Variants in SNX16 observed in about 807,000 individuals in gnomAD.
The protein encoded by SNX16 is sorting nexin-16.
SNX16 carries 35 observed loss-of-function variants against 36.7 expected under a neutral mutation model. The ratio of observed to expected loss-of-function variants is 0.95; its 90% confidence interval spans 0.73 to 1.27. The LOEUF (loss-of-function observed/expected upper bound fraction) is 1.27. SNX16 is among the 50% of genes most tolerant of loss of function. The probability of loss-of-function intolerance (pLI) is 0.00; values close to 1 mark genes in which losing one functional copy is unlikely to be tolerated. For missense variants in SNX16, 367 were observed against 393.6 expected (o/e 0.93, Z 0.57); for synonymous variants, 134 against 132.0 (o/e 1.02, Z -0.10).
chr8:81,809,710 G>A (rs1810139989), intron 5 of SNX16, among the ~76,000 whole-genome samples: 1 of 152,190 alleles, frequency 6.6e-6, no homozygotes, highest in Non-Finnish European at 1.5e-5. Flanking sequence ...TAGAGCAAAA[G>A]GAAAACATAT....
intron 2 of SNX16, among the ~76,000 whole-genome samples, chr8:81,838,574 GAA>G (rs534067391): frequency 2.2e-4 from 24 of 108,774 alleles, no homozygotes; most frequent in Non-Finnish European, 2.5e-4. Context: ...GTCCCATCTG[GAA>G]AAAAAAAAAA....
At position 81,824,083 on chromosome 8, in the gene SNX16, G is replaced by A; in HGVS notation, c.463-143C>T. The A allele has an allele frequency of 5.2e-6, 4 of 762,920 alleles. No individual in the cohort carries two copies. The South Asian group carries it at 7.9e-5, about 15-fold the overall frequency. 47.3% of individuals were successfully genotyped at this position (762,920 alleles called of 1,614,324 possible). A position where few individuals can be genotyped will look rare whatever the true frequency, so the allele number is the denominator to read the frequency against. On this transcript the variant is annotated intron_variant, in intron 3 of 7. Transcript: ENST00000345957. ...AATTCAGTTAAGCTTTTTATGCCTT[G>A]TTTTATTTCTTGTTTTCTACCAGCT...
intron 3 of SNX16, among the ~76,000 whole-genome samples, chr8:81,827,429 G>A (rs1374072062): frequency 6.6e-6 from 1 of 151,764 alleles, no homozygotes; most frequent in Non-Finnish European, 1.5e-5. Flanking sequence ...TAACTATCAG[G>A]TAACTTCATG....
intron 3 of SNX16, among the ~76,000 whole-genome samples, chr8:81,825,420 G>C (rs1285053005): frequency 6.6e-6 from 1 of 152,168 alleles, no homozygotes; most frequent in Non-Finnish European, 1.5e-5. Flanking sequence ...AGTTTTAAAA[G>C]ATATTAATGA....
rs367688268 is a variant in SNX16, at chr8:81,802,262, C to A, written c.938+118G>T. On this transcript the variant is annotated intron_variant, in intron 7 of 7. Coordinates refer to ENST00000345957, the MANE Select transcript of SNX16 (RefSeq NM_152836.3). The stretch of plus-strand genomic sequence containing the variant: ...ATATTTCCAATTCATTCTCTGTTTG[C>A]TTAGCAGATTCGTGATACAGTAACA... 624 of 623,144 alleles carry A rather than the reference C, an allele frequency of 1.0e-3. 10 individuals carry two copies. The South Asian group carries it at 0.03, about 30-fold the overall frequency. The allele number at this position is 623,144 out of a possible 1,614,324, so 38.6% of individuals were successfully genotyped here.
intron 4 of SNX16, among the ~76,000 whole-genome samples, chr8:81,817,656 C>T (rs1810553194): frequency 6.6e-6 from 1 of 152,122 alleles, no homozygotes; most frequent in South Asian, 2.1e-4. Flanking sequence ...TTCAACAAGA[C>T]TCAGTCAGTA....
At chr8:81,829,336 T>C in intron 3 of SNX16, 94 bp downstream of exon 3, 1 of 404,426 alleles carries the variant, frequency 2.5e-6, no homozygotes, top group South Asian at 6.1e-5. Context: ...AGAATGAATT[T>C]GACTCATTAA....
At chr8:81,808,809 A>C in intron 5 of SNX16, 2 of 763,924 alleles carry the variant, frequency 2.6e-6, no homozygotes. Flanking sequence ...AGATTTGTGA[A>C]GTCAGCCAAG....
intron 2 of SNX16, among the ~76,000 whole-genome samples, chr8:81,830,085 G>A (rs1266417644): frequency 6.6e-6 from 1 of 152,184 alleles, no homozygotes. Flanking sequence ...AAGGACTTCA[G>A]TAAAATTTCA....
At chr8:81,837,535 G>A (rs1341478057) in intron 2 of SNX16, among the ~76,000 whole-genome samples, 2 of 152,158 alleles carry the variant, frequency 1.3e-5, no homozygotes, top group African/African-American at 4.8e-5. Context: ...TATCTGGAGA[G>A]GGCCTACTTT....
intron 2 of SNX16, among the ~76,000 whole-genome samples, chr8:81,837,047 T>C (rs563206423): frequency 6.6e-6 from 1 of 152,340 alleles, no homozygotes; most frequent in South Asian, 2.1e-4. Flanking sequence ...AGCACTAACA[T>C]CTTTTTGTGA....
At chr8:81,820,775 TC>T (rs1386458511) in intron 4 of SNX16, among the ~76,000 whole-genome samples, 11 of 151,926 alleles carry the variant, frequency 7.2e-5, no homozygotes, top group African/African-American at 2.7e-4. Flanking sequence ...TTCACAAATG[TC>T]ATTATTTTGT....
At chr8:81,810,743 T>C (rs1234364842) in intron 5 of SNX16, among the ~76,000 whole-genome samples, 1 of 152,186 alleles carries the variant, frequency 6.6e-6, no homozygotes, top group Admixed American at 6.5e-5. Context: ...ACATTTTTAC[T>C]TGTCATGAGT....
At chr8:81,834,702 C>G (rs1392657672) in intron 2 of SNX16, among the ~76,000 whole-genome samples, 2 of 152,236 alleles carry the variant, frequency 1.3e-5, no homozygotes, top group African/African-American at 4.8e-5. Context: ...TTTCCTTTGA[C>G]TCCATGTCTA....
intron 7 of SNX16, 131 bp downstream of exon 7, chr8:81,802,249 C>A: frequency 1.8e-6 from 1 of 555,904 alleles, no homozygotes. Flanking sequence ...ATTTCCAATT[C>A]ATTCTCTGTT....
At chr8:81,829,555 A>C in intron 2 of SNX16, 39 bp from the exon 3 acceptor site, 1 of 904,668 alleles carries the variant, frequency 1.1e-6, no homozygotes, top group Non-Finnish European at 1.6e-6. Flanking sequence ...AGAAAAATAT[A>C]AAAGTAAAGA....
intron 5 of SNX16, among the ~76,000 whole-genome samples, chr8:81,810,815 C>A (rs1023554064): frequency 1.3e-5 from 2 of 152,096 alleles, no homozygotes; most frequent in Non-Finnish European, 2.9e-5. Context: ...TTTCAATGCA[C>A]ACGTCAGGCT....
chr8:81,811,451 C>G (rs1810245943), intron 5 of SNX16, among the ~76,000 whole-genome samples: 1 of 152,108 alleles, frequency 6.6e-6, no homozygotes, highest in Admixed American at 6.5e-5. Flanking sequence ...AGACTATATA[C>G]AGATCCATTA....
intron 1 of SNX16, among the ~76,000 whole-genome samples, chr8:81,841,280 G>C (rs1811755082): frequency 6.7e-6 from 1 of 149,698 alleles, no homozygotes; most frequent in African/African-American, 2.5e-5. Flanking sequence ...GGCGGAGGTT[G>C]CAGTTTGCCG....
Sources: gnomAD v4.1 joint callset for allele counts (sites outside exome capture counted in the v4.1 genomes callset) on GRCh38, gnomAD v4.1.1 for gene constraint, MANE v1.5 for transcripts, NCBI Gene and HGNC (gene_info 2026-07-23, HGNC 2026-07-21) for gene names.